ASPHD2: variants seen among roughly 807,000 people sequenced by gnomAD.
The protein encoded by ASPHD2 is aspartate beta-hydroxylase domain containing 2.
A neutral mutation model predicts 34.6 loss-of-function variants in ASPHD2; 12 were observed. That is an observed-to-expected ratio of 0.35 (90% CI 0.22 to 0.56). The LOEUF (loss-of-function observed/expected upper bound fraction) is 0.56. ASPHD2 is among the 20% of genes least tolerant of loss of function. ASPHD2 has a pLI of 0.87. For synonymous variants in ASPHD2, 224 were observed against 212.2 expected, an observed-to-expected ratio of 1.06 and a Z score of -0.48; for missense variants, 375 against 505.0, an observed-to-expected ratio of 0.74 and a Z score of 2.47.
In ASPHD2 at chr22:26,443,084, C is replaced by T. The variant is rs1373750432; in HGVS notation, c.1001-13C>T. The stretch of plus-strand genomic sequence containing the variant: ...GGTTTGAACCTGTCCTCTCACCCCT[C>T]CTTCCCCCCCAGGTTCAGCAGAGGA... On this transcript the variant is annotated splice_polypyrimidine_tract_variant and intron_variant, in intron 3 of 3. Coordinates refer to ENST00000215906, the MANE Select transcript of ASPHD2 (RefSeq NM_020437.5). The T allele has an allele frequency of 1.9e-6, 3 of 1,606,456 alleles. No homozygotes were observed. Among genetic ancestry groups the T allele is most frequent in the Non-Finnish European group, 1.7e-6 (2 of 1,172,940 alleles).
chr22:26,442,010 G>A (rs977640928), intron 2 of ASPHD2, among the ~76,000 whole-genome samples: 1 of 150,904 alleles, frequency 6.6e-6, no homozygotes, highest in African/African-American at 2.4e-5. Context: ...GGAGGCTGAG[G>A]TAGGAGTATC....
intron 1 of ASPHD2, among the ~76,000 whole-genome samples, chr22:26,432,441 C>A (rs746602998): frequency 6.6e-6 from 1 of 152,214 alleles, no homozygotes; most frequent in Non-Finnish European, 1.5e-5. Flanking sequence ...AGAGACCTGG[C>A]TGTTCTCATT....
intron 2 of ASPHD2, among the ~76,000 whole-genome samples, chr22:26,440,053 C>A (rs1317246739): frequency 2.0e-5 from 3 of 152,228 alleles, no homozygotes; most frequent in African/African-American, 7.2e-5. Context: ...GAGACCACCA[C>A]CCATCCCAGC....
rs77151567 is a variant in ASPHD2 at position 26,433,427 on chromosome 22, C to G, written c.-189C>G. 8 of 569,786 alleles carry G rather than the reference C, an allele frequency of 1.4e-5. No homozygotes were observed. The highest frequency in any genetic ancestry group is 2.5e-5 in the Non-Finnish European group (8 of 324,728). 35.3% of individuals were successfully genotyped at this position (569,786 alleles called of 1,614,324 possible). A position where few individuals can be genotyped will look rare whatever the true frequency, so the allele number is the denominator to read the frequency against. ...CCTAAACAAATCCTTTCACAGGGACCGACGGCACTTGATAATGTGACAAAA... is the reference window on the plus strand; with the variant it reads ...CCTAAACAAATCCTTTCACAGGGACGGACGGCACTTGATAATGTGACAAAA... On this transcript the variant is annotated 5_prime_UTR_variant, in exon 2 of 4. Transcript: ENST00000215906. The surrounding 1 kb of genome is among the most constrained non-coding windows in gnomAD (Gnocchi z 5.1).
chr22:26,435,057 G>GT (rs1265255041), intron 2 of ASPHD2, among the ~76,000 whole-genome samples: 1 of 152,186 alleles, frequency 6.6e-6, no homozygotes, highest in Admixed American at 6.5e-5. Flanking sequence ...AAAATTGGTC[G>GT]TATGCGTACT....
chr22:26,435,052 T>C (rs2084782251), intron 2 of ASPHD2, among the ~76,000 whole-genome samples: 1 of 152,186 alleles, frequency 6.6e-6, no homozygotes, highest in Non-Finnish European at 1.5e-5. Flanking sequence ...CTGAGAAAAT[T>C]GGTCGTATGC....
In ASPHD2 at chr22:26,443,221, C is replaced by T. The variant is rs140180423; in HGVS notation, c.*15C>T. 1.1e-5 allele frequency: 18 copies of T among 1,610,438 alleles called. No individual in the cohort carries two copies. Among genetic ancestry groups the T allele is most frequent in the Middle Eastern group, 1.7e-4 (1 of 6,058 alleles). Reference sequence around the variant, plus strand: ...CGGGACGATGAGAGTATTTCCCATGCTGGAGTCGGCGAGAAGGGCCGAGGC... The same window carrying T: ...CGGGACGATGAGAGTATTTCCCATGTTGGAGTCGGCGAGAAGGGCCGAGGC... On this transcript the variant is annotated 3_prime_UTR_variant, in exon 4 of 4. Transcript: ENST00000215906.
intron 2 of ASPHD2, among the ~76,000 whole-genome samples, chr22:26,435,710 TAAAAGAAAAG>T (rs139306199): frequency 0.037 from 5,458 of 145,932 alleles, 108 homozygotes; most frequent in East Asian, 0.051. Flanking sequence ...ATCACTGCAC[TAAAAGAAAAG>T]AAAAGAAAAG....
At position 26,429,335 on chromosome 22, in the gene ASPHD2, G is replaced by C. The variant is rs1046164386; in HGVS notation, c.-376G>C. On this transcript the variant is annotated 5_prime_UTR_variant, in exon 1 of 4. Transcript: ENST00000215906. The surrounding 1 kb of genome is among the most constrained non-coding windows in gnomAD (Gnocchi z 4.5). ...AGGGGCACCGGCGCGGCTTAGGCTC[G>C]GGCTCGGGCTCCGGCTCGGGCTCCC... 2 of 150,790 alleles carry C rather than the reference G, an allele frequency of 1.3e-5. No individual in the cohort carries two copies. The highest frequency in any genetic ancestry group is 4.9e-5 in the African/African-American group (2 of 40,972). 9.3% of individuals were successfully genotyped at this position (150,790 alleles called of 1,614,324 possible).
chr22:26,435,221 C>T (rs951196870), intron 2 of ASPHD2, among the ~76,000 whole-genome samples: 1 of 152,288 alleles, frequency 6.6e-6, no homozygotes, highest in African/African-American at 2.4e-5. Flanking sequence ...AAAAGATCTT[C>T]TCCTAAAGAG....
intron 2 of ASPHD2, among the ~76,000 whole-genome samples, chr22:26,440,649 C>T (rs2084830313): frequency 6.6e-6 from 1 of 152,100 alleles, no homozygotes; most frequent in Admixed American, 6.6e-5. Context: ...CATACGGCTT[C>T]TTACAAAGCT....
chr22:26,440,643 C>T (rs568417683), intron 2 of ASPHD2, among the ~76,000 whole-genome samples: 25 of 152,138 alleles, frequency 1.6e-4, no homozygotes, highest in African/African-American at 5.5e-4. Context: ...GCCAAGCATA[C>T]GGCTTCTTAC....
chr22:26,431,045 G>C (rs1340289564), intron 1 of ASPHD2, among the ~76,000 whole-genome samples: 1 of 152,182 alleles, frequency 6.6e-6, no homozygotes. Context: ...ACAGGTGCTT[G>C]TTAAATTATC....
intron 2 of ASPHD2, among the ~76,000 whole-genome samples, chr22:26,435,039 A>G (rs551135942): frequency 3.9e-5 from 6 of 152,246 alleles, no homozygotes; most frequent in African/African-American, 1.4e-4. Flanking sequence ...TTTTACTCCG[A>G]TTCTGAGAAA....
intron 2 of ASPHD2, 47 bp downstream of exon 2, chr22:26,434,548 C>A: frequency 6.6e-7 from 1 of 1,514,070 alleles, no homozygotes; most frequent in South Asian, 1.3e-5. Context: ...TTTGCAAGCT[C>A]AGCCCCTCTC....
At chr22:26,442,620 TA>T in intron 3 of ASPHD2, 48 bp downstream of exon 3, 2 of 1,441,760 alleles carry the variant, frequency 1.4e-6, no homozygotes, top group Non-Finnish European at 1.9e-6. Context: ...AATAGACTTT[TA>T]TTTTTTTAGA....
In ASPHD2 at chr22:26,434,383, C is replaced by T; in HGVS notation, c.768C>T (p.Ser256=). 6.2e-7 allele frequency: 1 copy of T among 1,614,202 alleles called. No individual in the cohort carries two copies. The highest frequency in any genetic ancestry group is 8.5e-7 in the Non-Finnish European group (1 of 1,180,042). The change falls in exon 2 of 4, where the codon AGC becomes AGT. Residue 256 remains serine, a synonymous_variant. Coordinates refer to ENST00000215906, the MANE Select transcript of ASPHD2 (RefSeq NM_020437.5). ...KCPRTYRLLG[S]LRTCIGNNVF... is the part of the protein sequence containing the mutation. ...CACGGACGTACCGCTTGCTCGGAAG[C>T]CTTCGGACCTGTATTGGGAACAATG...
At chr22:26,438,652 C>CATATATAT (rs143431842) in intron 2 of ASPHD2, among the ~76,000 whole-genome samples, 3 of 122,568 alleles carry the variant, frequency 2.4e-5, no homozygotes, top group African/African-American at 9.5e-5. Context: ...TATACACATA[C>CATATATAT]ATATATATAT....
intron 2 of ASPHD2, among the ~76,000 whole-genome samples, chr22:26,438,418 T>C (rs568960164): frequency 4.3e-4 from 65 of 151,114 alleles, no homozygotes; most frequent in Non-Finnish European, 8.7e-4. Context: ...GATATATATA[T>C]ACACACAGAT....
Sources: allele counts gnomAD v4.1 joint callset (sites outside exome capture counted in the v4.1 genomes callset), GRCh38; gene constraint gnomAD v4.1.1; non-coding constraint Gnocchi (gnomAD v3.1); transcripts MANE v1.5; gene names NCBI Gene and HGNC (gene_info 2026-07-23, HGNC 2026-07-21).